The following PACRG variants were observed in gnomAD, a reference collection of about 807,000 sequenced individuals.
PACRG encodes parkin coregulated gene protein.
In PACRG, 29 loss-of-function variants were observed where a neutral mutation model predicts 29.7. The observed-to-expected ratio is 0.98, with a 90% CI of 0.73 to 1.33. PACRG has a LOEUF of 1.33. Among genes scored for constraint, PACRG ranks in the 40% most tolerant of loss-of-function variants. The pLI is 0.00. For missense variants in PACRG, 279 were observed against 316.2 expected (o/e 0.88, Z 0.89); for synonymous variants, 116 against 118.7 (o/e 0.98, Z 0.15).
chr6:163,030,777 A>G (rs771006107), intron 2 of PACRG, among the ~76,000 whole-genome samples: 2 of 152,196 alleles, frequency 1.3e-5, no homozygotes, highest in Non-Finnish European at 2.9e-5. Flanking sequence ...TGATGTTGCC[A>G]TGGCATTTGT....
chr6:162,834,769 A>T (rs987914216), intron 2 of PACRG, among the ~76,000 whole-genome samples: 9 of 151,968 alleles, frequency 5.9e-5, no homozygotes, highest in Non-Finnish European at 1.2e-4. Flanking sequence ...TTTGTATGTT[A>T]CTTTGATGTA....
intron 1 of PACRG, among the ~76,000 whole-genome samples, chr6:162,730,885 A>G (rs1277767705): frequency 6.6e-6 from 1 of 152,144 alleles, no homozygotes; most frequent in African/African-American, 2.4e-5. Flanking sequence ...TTTTCCTTTA[A>G]AAGTCTTGTT....
chr6:163,113,077 A>G (rs1225486553), intron 4 of PACRG, among the ~76,000 whole-genome samples: 1 of 152,220 alleles, frequency 6.6e-6, no homozygotes, highest in African/African-American at 2.4e-5. Flanking sequence ...CCAGCTTCAC[A>G]ACTGGAACTA....
upstream of PACRG, chr6:162,727,713 C>A (rs922956128): frequency 6.4e-7 from 1 of 1,551,184 alleles, no homozygotes; most frequent in Non-Finnish European, 8.7e-7. Flanking sequence ...CAGGCCCATG[C>A]GCGCAGCGGC....
At chr6:163,090,013 T>A (rs978351860) in intron 4 of PACRG, among the ~76,000 whole-genome samples, 2 of 152,210 alleles carry the variant, frequency 1.3e-5, no homozygotes, top group East Asian at 3.9e-4. Flanking sequence ...ATTGAAATGA[T>A]GAGTCTAATT....
At chr6:162,896,732 C>T (rs571078130) in intron 2 of PACRG, among the ~76,000 whole-genome samples, 17 of 152,110 alleles carry the variant, frequency 1.1e-4, no homozygotes, top group Admixed American at 2.0e-4. Flanking sequence ...AGTAAGCAAG[C>T]GGTCTGTGTG....
intron 4 of PACRG, chr6:163,187,671 A>C (rs1780013082): frequency 6.6e-6 from 1 of 151,968 alleles, no homozygotes; most frequent in Admixed American, 6.5e-5. Flanking sequence ...GTGGATTCTC[A>C]CCTCCATGGT....
chr6:162,917,917 G>T (rs1796807167), intron 2 of PACRG, among the ~76,000 whole-genome samples: 1 of 152,100 alleles, frequency 6.6e-6, no homozygotes, highest in African/African-American at 2.4e-5. Context: ...GTCATTTTTA[G>T]ACTGATGTAC....
intron 4 of PACRG, among the ~76,000 whole-genome samples, chr6:163,112,722 C>T (rs2128320256): frequency 6.6e-6 from 1 of 152,318 alleles, no homozygotes. Context: ...GGCTGGTCAA[C>T]AGCACAGATA....
At chr6:162,814,316 C>G in intron 2 of PACRG, 35 bp downstream of exon 2, 2 of 1,607,500 alleles carry the variant, frequency 1.2e-6, no homozygotes, top group Non-Finnish European at 1.7e-6. Flanking sequence ...GCCAGCTGCA[C>G]CCGCTGAAGT....
chr6:163,102,193 A>T (rs1815133073), intron 4 of PACRG, among the ~76,000 whole-genome samples: 1 of 152,150 alleles, frequency 6.6e-6, no homozygotes, highest in Admixed American at 6.5e-5. Flanking sequence ...CCATCCTGCA[A>T]ACTTTATGTT....
chr6:163,101,092 T>G, intron 4 of PACRG: 1 of 980,894 alleles, frequency 1.0e-6, no homozygotes, highest in Non-Finnish European at 1.2e-6. Context: ...AAATTAAAAA[T>G]CATTCTCCAT....
intron 4 of PACRG, among the ~76,000 whole-genome samples, chr6:163,095,894 C>T (rs1476481021): frequency 6.6e-6 from 1 of 152,126 alleles, no homozygotes; most frequent in Admixed American, 6.5e-5. Flanking sequence ...CAATCCAGTC[C>T]AGATGATATA....
intron 1 of PACRG, among the ~76,000 whole-genome samples, chr6:162,793,552 T>C (rs1785126493): frequency 2.0e-5 from 3 of 148,080 alleles, no homozygotes; most frequent in Non-Finnish European, 4.5e-5. Flanking sequence ...CTAGGCATCC[T>C]TTCACCATCT....
At chr6:163,010,161 T>A (rs902075537) in intron 2 of PACRG, among the ~76,000 whole-genome samples, 14 of 152,176 alleles carry the variant, frequency 9.2e-5, no homozygotes, top group African/African-American at 2.9e-4. Flanking sequence ...ACCAAACGAC[T>A]GTAAAGTGAT....
chr6:162,778,223 C>T (rs907548913), intron 1 of PACRG, among the ~76,000 whole-genome samples: 1 of 152,136 alleles, frequency 6.6e-6, no homozygotes, highest in African/African-American at 2.4e-5. Context: ...GGCGTTGGTT[C>T]TGACTCAGTG....
chr6:162,820,558 C>T (rs919849620), intron 2 of PACRG, among the ~76,000 whole-genome samples: 1 of 152,116 alleles, frequency 6.6e-6, no homozygotes, highest in Non-Finnish European at 1.5e-5. Flanking sequence ...CATTTGCTAT[C>T]AGAATATTCA....
chr6:162,908,713 G>A (rs537906080), intron 2 of PACRG, among the ~76,000 whole-genome samples: 1 of 152,232 alleles, frequency 6.6e-6, no homozygotes, highest in East Asian at 1.9e-4. Context: ...AAACCTTCAG[G>A]ATCCAGTCAT....
rs537434918 is a variant in PACRG at position 162,759,160 on chromosome 6, A to G, written c.156+30769A>G. Among the ~76,000 whole-genome samples, 5 of 152,346 alleles carry G rather than the reference A, an allele frequency of 3.3e-5. No homozygotes were observed. The East Asian group carries it at 5.8e-4, about 18-fold the overall frequency. On this transcript the variant is annotated intron_variant, in intron 1 of 4. Transcript: ENST00000366888. ...ACACAGAGATATTCAGATGTTTTCC[A>G]CTATTTACAATTCATCTTGTTTATT...
Sources: allele counts gnomAD v4.1 joint callset (sites outside exome capture counted in the v4.1 genomes callset), GRCh38; gene constraint gnomAD v4.1.1; transcripts MANE v1.5; gene names NCBI Gene and HGNC (gene_info 2026-07-23, HGNC 2026-07-21).